The following STK32B variants were observed in gnomAD, a reference collection of about 807,000 sequenced individuals.
The protein encoded by STK32B is serine/threonine kinase 32B, also known as serine/threonine-protein kinase 32B.
STK32B carries 43 observed loss-of-function variants against 52.6 expected under a neutral mutation model. The observed-to-expected ratio is 0.82, with a 90% CI of 0.64 to 1.05. STK32B has a LOEUF of 1.05. Ranked by LOEUF, STK32B falls within the 50% of genes least tolerant of loss-of-function variation. The pLI is 0.00. For synonymous variants in STK32B, 238 were observed against 204.3 expected (o/e 1.17, Z -1.41); for missense variants, 621 against 534.6 (o/e 1.16, Z -1.59).
chr4:5,356,333 C>T (rs1734167983), intron 4 of STK32B, among the ~76,000 whole-genome samples: 1 of 152,144 alleles, frequency 6.6e-6, no homozygotes. Flanking sequence ...CACCCTAAAT[C>T]CAGGATGATT....
At chr4:5,214,692 C>G (rs567329046) in intron 3 of STK32B, among the ~76,000 whole-genome samples, 15 of 152,344 alleles carry the variant, frequency 9.8e-5, no homozygotes, top group African/African-American at 3.6e-4. Context: ...AATCTAAGGA[C>G]TATCTCTGTC....
intron 3 of STK32B, among the ~76,000 whole-genome samples, chr4:5,171,870 T>A (rs1314604324): frequency 1.3e-5 from 2 of 150,928 alleles, no homozygotes; most frequent in African/African-American, 4.8e-5. Context: ...TTGATGGGGA[T>A]GGCATTGAAT....
In STK32B at chr4:5,466,798, C is replaced by T; in HGVS notation, c.1005C>T (p.Asn335=). ...AAAAGAAGAAGCGATTGGCAAAGAACAGATCCAGGGATGGCACAAAGGACA... is the reference window on the plus strand; with the variant it reads ...AAAAGAAGAAGCGATTGGCAAAGAATAGATCCAGGGATGGCACAAAGGACA... ...LHKKKKRLAK[N]RSRDGTKDSC... is the part of the protein sequence containing the mutation. Residue 335 remains asparagine, a synonymous_variant, in exon 10 of 12, where the codon AAC becomes AAT. Coordinates refer to ENST00000282908, the MANE Select transcript of STK32B (RefSeq NM_018401.3). 1 of 1,614,014 alleles carries T rather than the reference C, an allele frequency of 6.2e-7. No individual in the cohort carries two copies. Among genetic ancestry groups the T allele is most frequent in the Non-Finnish European group, 8.5e-7 (1 of 1,179,944 alleles).
intron 4 of STK32B, among the ~76,000 whole-genome samples, chr4:5,364,988 G>C (rs1198554666): frequency 6.6e-6 from 1 of 152,170 alleles, no homozygotes; most frequent in Non-Finnish European, 1.5e-5. Flanking sequence ...CGATTCTCCT[G>C]CCTCAGCATC....
the STK32B span, among the ~76,000 whole-genome samples, chr4:5,043,702 G>T: frequency 6.6e-6 from 1 of 152,212 alleles, no homozygotes; most frequent in South Asian, 2.1e-4. Flanking sequence ...CTTCAGGTGG[G>T]CATCACAGCC....
At chr4:5,060,229 G>A (rs753473216) in intron 1 of STK32B, among the ~76,000 whole-genome samples, 1 of 152,180 alleles carries the variant, frequency 6.6e-6, no homozygotes, top group Non-Finnish European at 1.5e-5. Flanking sequence ...GCCTCCCTAA[G>A]TACTGGGATA....
At chr4:5,466,890 G>C in intron 10 of STK32B, 56 bp downstream of exon 10, 2 of 1,572,230 alleles carry the variant, frequency 1.3e-6, no homozygotes, top group South Asian at 2.4e-5. Context: ...ATAGGGAAAT[G>C]ACTGAGCCAG....
At chr4:5,419,496 A>G (rs1371797452) in intron 6 of STK32B, among the ~76,000 whole-genome samples, 1 of 152,178 alleles carries the variant, frequency 6.6e-6, no homozygotes, top group Non-Finnish European at 1.5e-5. Flanking sequence ...AATGCCCCTG[A>G]TACTAGACTG....
At chr4:5,032,648 A>G in the STK32B span, among the ~76,000 whole-genome samples, 15 of 152,180 alleles carry the variant, frequency 9.9e-5, no homozygotes, top group Non-Finnish European at 2.1e-4. Flanking sequence ...TAAAATATGC[A>G]TAATATAAAA....
chr4:5,475,275 A>T (rs1021130241), intron 11 of STK32B, among the ~76,000 whole-genome samples: 1 of 151,388 alleles, frequency 6.6e-6, no homozygotes, highest in Non-Finnish European at 1.5e-5. Context: ...ACAAAGAAAC[A>T]TTAGCTGGGT....
chr4:5,192,143 A>C (rs761165631), intron 3 of STK32B, among the ~76,000 whole-genome samples: 1 of 152,220 alleles, frequency 6.6e-6, no homozygotes, highest in African/African-American at 2.4e-5. Context: ...GCCAGCACCG[A>C]ATGACAGGAT....
intron 3 of STK32B, among the ~76,000 whole-genome samples, chr4:5,186,771 G>A (rs115753593): frequency 2.7e-3 from 409 of 152,290 alleles, no homozygotes; most frequent in African/African-American, 9.0e-3. Flanking sequence ...GTTAAGAGGC[G>A]AGGCTCTCCT....
At chr4:5,262,491 G>A (rs1302246556) in intron 3 of STK32B, among the ~76,000 whole-genome samples, 1 of 151,952 alleles carries the variant, frequency 6.6e-6, no homozygotes, top group Non-Finnish European at 1.5e-5. Context: ...CGGCCGTGGT[G>A]GCGGGCGCCT....
chr4:5,285,020 TATAAAC>T (rs3077864), intron 3 of STK32B, among the ~76,000 whole-genome samples: 14,991 of 152,156 alleles, frequency 0.099, 2,002 homozygotes, highest in African/African-American at 0.31. Flanking sequence ...TTGTTCATCT[TATAAAC>T]AGAGATGTAA....
At chr4:5,308,535 G>C (rs1310773830) in intron 3 of STK32B, among the ~76,000 whole-genome samples, 2 of 152,112 alleles carry the variant, frequency 1.3e-5, no homozygotes, top group Admixed American at 1.3e-4. Flanking sequence ...TGTGGTATGT[G>C]TCAATCATTC....
At chr4:5,095,657 T>C (rs1713348031) in intron 1 of STK32B, among the ~76,000 whole-genome samples, 1 of 152,192 alleles carries the variant, frequency 6.6e-6, no homozygotes, top group African/African-American at 2.4e-5. Context: ...TTTATTAAAA[T>C]AATACATATT....
intron 3 of STK32B, among the ~76,000 whole-genome samples, chr4:5,240,899 T>C (rs557106709): frequency 2.0e-5 from 3 of 152,338 alleles, no homozygotes; most frequent in African/African-American, 7.2e-5. Context: ...TCTTTTTATT[T>C]GGTCTCTTTG....
chr4:5,176,779 T>C (rs866992035), intron 3 of STK32B, among the ~76,000 whole-genome samples: 40 of 152,252 alleles, frequency 2.6e-4, no homozygotes, highest in Middle Eastern at 3.4e-3. Flanking sequence ...TTCATGGTCC[T>C]CAAGACACCA....
At chr4:5,318,221 A>G (rs549849627) in intron 3 of STK32B, among the ~76,000 whole-genome samples, 1 of 152,270 alleles carries the variant, frequency 6.6e-6, no homozygotes, top group East Asian at 1.9e-4. Context: ...ATGTAGGGAT[A>G]AATGTTATGA....
Sources: gnomAD v4.1 joint callset for allele counts (sites outside exome capture counted in the v4.1 genomes callset) on GRCh38, gnomAD v4.1.1 for gene constraint, MANE v1.5 for transcripts, NCBI Gene and HGNC (gene_info 2026-07-23, HGNC 2026-07-21) for gene names.